MGST1: variants seen among roughly 807,000 people sequenced by gnomAD.
The protein encoded by MGST1 is microsomal glutathione S-transferase 1, also known as glutathione S-transferase 12.
In MGST1, 5 loss-of-function variants were observed where a neutral mutation model predicts 8.9. That is an observed-to-expected ratio of 0.56 (90% CI 0.29 to 1.19). The LOEUF is 1.19. MGST1 is among the 50% of genes most tolerant of loss of function. The pLI is 0.08. For synonymous variants in MGST1, 54 were observed against 67.8 expected (o/e 0.80, Z 1.00); for missense variants, 182 against 187.4 (o/e 0.97, Z 0.17).
chr12:16,534,270 A>G (rs2137204071), intron 4 of MGST1, among the ~76,000 whole-genome samples: 1 of 152,362 alleles, frequency 6.6e-6, no homozygotes, highest in East Asian at 1.9e-4. Flanking sequence ...TGAAACACAT[A>G]TATTCGATAT....
At chr12:16,591,433 A>T (rs1235824846), downstream of MGST1, among the ~76,000 whole-genome samples, 1 of 151,854 alleles carries the variant, frequency 6.6e-6, no homozygotes, top group Non-Finnish European at 1.5e-5. The surrounding 1 kb of genome is among the most constrained non-coding windows in gnomAD (Gnocchi z 4.1). Context: ...TTTTCTCCTC[A>T]TTGTGTTTAT....
intron 1 of MGST1, among the ~76,000 whole-genome samples, chr12:16,351,605 T>A (rs1591688483): frequency 1.3e-5 from 2 of 151,072 alleles, no homozygotes; most frequent in Non-Finnish European, 3.0e-5. Context: ...AGGTCAGGAG[T>A]TTAAGACCAG....
chr12:16,449,132 A>T (rs1174771247), intron 4 of MGST1, among the ~76,000 whole-genome samples: 1 of 151,996 alleles, frequency 6.6e-6, no homozygotes, highest in Admixed American at 6.6e-5. Flanking sequence ...TAGACAATCT[A>T]TAAAGAAAAG....
chr12:16,433,669 C>A (rs111993544), intron 1 of MGST1, among the ~76,000 whole-genome samples: 1 of 152,038 alleles, frequency 6.6e-6, no homozygotes, highest in East Asian at 1.9e-4. Context: ...CCAAATACAA[C>A]CTCATGGAAA....
intron 4 of MGST1, among the ~76,000 whole-genome samples, chr12:16,527,732 G>C (rs913620328): frequency 5.9e-5 from 9 of 151,906 alleles, no homozygotes; most frequent in Admixed American, 5.9e-4. Context: ...AAGTCATCAG[G>C]AAGCCATATC....
chr12:16,378,015 T>G (rs1432598963), downstream of MGST1, among the ~76,000 whole-genome samples: 6 of 151,946 alleles, frequency 3.9e-5, no homozygotes, highest in African/African-American at 1.2e-4. Flanking sequence ...CTTGTAAATT[T>G]GTTTGAGTTC....
At chr12:16,575,263 A>G (rs1254555465) in intron 4 of MGST1, among the ~76,000 whole-genome samples, 1 of 152,206 alleles carries the variant, frequency 6.6e-6, no homozygotes, top group East Asian at 1.9e-4. Context: ...TTTATCTTCA[A>G]AAATATAGGC....
At chr12:16,454,930 C>T (rs1941161273) in intron 4 of MGST1, among the ~76,000 whole-genome samples, 1 of 145,192 alleles carries the variant, frequency 6.9e-6, no homozygotes, top group Non-Finnish European at 1.5e-5. Context: ...TGAGGAGAAC[C>T]AGGGCAGGAC....
downstream of MGST1, among the ~76,000 whole-genome samples, chr12:16,365,984 T>A (rs1940181247): frequency 6.6e-6 from 1 of 152,194 alleles, no homozygotes; most frequent in Non-Finnish European, 1.5e-5. Context: ...TTGGGTCAGG[T>A]CTTTGTTGAA....
rs994396423 is a variant in MGST1 at position 16,508,334 on chromosome 12, G to A, written n.483-81194G>A. On this transcript the variant is annotated intron_variant and non_coding_transcript_variant, in intron 4 of 4. Transcript: ENST00000538857. ...AAGCTGAATTCCTTTCTTTACTCTT[G>A]TTACTTCCCTCAGAGTACTGTGTTC... Among the ~76,000 whole-genome samples the A allele has an allele frequency of 2.0e-5, 3 of 152,026 alleles. No individual in the cohort carries two copies. In the East Asian group the frequency reaches 5.8e-4, roughly 29 times the overall value.
intron 4 of MGST1, among the ~76,000 whole-genome samples, chr12:16,443,952 C>G (rs1011828330): frequency 6.6e-6 from 1 of 151,906 alleles, no homozygotes; most frequent in Non-Finnish European, 1.5e-5. Flanking sequence ...AAGTTGTCAA[C>G]TTGCCACTAA....
downstream of MGST1, among the ~76,000 whole-genome samples, chr12:16,377,414 G>C (rs1440766056): frequency 6.6e-6 from 1 of 150,450 alleles, no homozygotes; most frequent in Non-Finnish European, 1.5e-5. Context: ...TTTTGTCCTT[G>C]CGATAGTTTG....
At chr12:16,525,778 T>G (rs1163667883) in intron 4 of MGST1, among the ~76,000 whole-genome samples, 9 of 151,040 alleles carry the variant, frequency 6.0e-5, no homozygotes, top group Non-Finnish European at 1.0e-4. Flanking sequence ...AAAGTGTTCC[T>G]ATTTCTCCAC....
Position 16,513,454 on chromosome 12 carries a change from G to A in MGST1, n.483-76074G>A. On this transcript the variant is annotated intron_variant and non_coding_transcript_variant, in intron 4 of 4. Transcript: ENST00000538857. This position sits in a 1 kb window ranked among gnomAD's most constrained non-coding sequence, Gnocchi z 4.2. Reference sequence around the variant, plus strand: ...TCGCCGCCGCCTTCCACCCGGGCTCGCCTCTGATGCCCCTGCCAGAGCCAG... The same window carrying A: ...TCGCCGCCGCCTTCCACCCGGGCTCACCTCTGATGCCCCTGCCAGAGCCAG... The A allele has an allele frequency of 4.8e-6, 2 of 414,874 alleles. No individual in the cohort carries two copies. Among genetic ancestry groups the A allele is most frequent in the South Asian group, 1.8e-5 (1 of 54,202 alleles). 25.7% of individuals were successfully genotyped at this position (414,874 alleles called of 1,614,324 possible). A position where few individuals can be genotyped will look rare whatever the true frequency, so the allele number is the denominator to read the frequency against.
At chr12:16,494,588 A>C (rs1366372654) in intron 4 of MGST1, among the ~76,000 whole-genome samples, 1 of 152,164 alleles carries the variant, frequency 6.6e-6, no homozygotes, top group Non-Finnish European at 1.5e-5. Context: ...AGTTATATAA[A>C]GTTGCCTTTT....
chr12:16,568,695 A>C (rs1565490415), intron 4 of MGST1, among the ~76,000 whole-genome samples: 1 of 152,250 alleles, frequency 6.6e-6, no homozygotes, highest in Non-Finnish European at 1.5e-5. Flanking sequence ...TAAAAAACTA[A>C]TTTCACCTTT....
At chr12:16,445,420 A>C (rs1941072135) in intron 4 of MGST1, among the ~76,000 whole-genome samples, 1 of 151,914 alleles carries the variant, frequency 6.6e-6, no homozygotes, top group Non-Finnish European at 1.5e-5. Flanking sequence ...ATCCTCCAGC[A>C]TGCTAGCCAT....
chr12:16,372,792 T>A (rs949039065), intron 3 of MGST1, among the ~76,000 whole-genome samples: 8 of 151,132 alleles, frequency 5.3e-5, no homozygotes, highest in African/African-American at 1.9e-4. Context: ...AACAGGTGGA[T>A]GGATAAAGAA....
intron 4 of MGST1, among the ~76,000 whole-genome samples, chr12:16,565,985 T>C (rs1428987475): frequency 4.5e-4 from 1 of 2,228 alleles, no homozygotes; most frequent in Non-Finnish European, 1.0e-3. Flanking sequence ...AAATGTGCCA[T>C]ATATATATAT....
Sources: gnomAD v4.1 joint callset for allele counts (sites outside exome capture counted in the v4.1 genomes callset) on GRCh38, gnomAD v4.1.1 for gene constraint, Gnocchi (gnomAD v3.1) non-coding constraint, MANE v1.5 for transcripts, NCBI Gene and HGNC (gene_info 2026-07-23, HGNC 2026-07-21) for gene names.